The following AUTS2 variants were observed in gnomAD, a reference collection of about 807,000 sequenced individuals.
AUTS2 encodes the protein activator of transcription and developmental regulator AUTS2, also known as autism susceptibility gene 2 protein.
In AUTS2, 17 loss-of-function variants were observed where a neutral mutation model predicts 112.4. That is an observed-to-expected ratio of 0.15 (90% CI 0.10 to 0.23). AUTS2 has a LOEUF of 0.23. AUTS2 is among the 10% of genes least tolerant of loss of function. The pLI, the probability that AUTS2 is intolerant of heterozygous loss-of-function variation, is 1.00. For missense variants in AUTS2, 1,510 were observed against 1,701.6 expected (o/e 0.89, Z 1.98); for synonymous variants, 751 against 702.7 (o/e 1.07, Z -1.09).
intron 5 of AUTS2, among the ~76,000 whole-genome samples, chr7:70,569,744 A>G (rs757726): frequency 0.39 from 59,291 of 152,054 alleles, 11,897 homozygotes; most frequent in Admixed American, 0.48. Context: ...GCTTGAAGCC[A>G]TGCTTTACAG....
chr7:70,509,261 G>A (rs1299927382), intron 5 of AUTS2, among the ~76,000 whole-genome samples: 1 of 152,206 alleles, frequency 6.6e-6, no homozygotes, highest in African/African-American at 2.4e-5. Flanking sequence ...CCCTCATGGA[G>A]CTTCTGCTAT....
At chr7:70,259,789 G>A (rs1371445894) in intron 4 of AUTS2, among the ~76,000 whole-genome samples, 1 of 152,178 alleles carries the variant, frequency 6.6e-6, no homozygotes, top group Non-Finnish European at 1.5e-5. Context: ...ACTCTTGCTT[G>A]GATCTCTCAA....
chr7:70,468,434 T>A lies in AUTS2; in HGVS notation c.690+32653T>A, dbSNP rs1455826304. On this transcript the variant is annotated intron_variant, in intron 5 of 18. Transcript: ENST00000342771. ...TTTCTTGGCTTAAAGGGACTTTAGATCCAAGATCAGTAAAGAGATTGCCTT... is the reference window on the plus strand; with the variant it reads ...TTTCTTGGCTTAAAGGGACTTTAGAACCAAGATCAGTAAAGAGATTGCCTT... Among the ~76,000 whole-genome samples, 3 of 152,146 alleles carry A rather than the reference T, an allele frequency of 2.0e-5. No individual in the cohort carries two copies. In the East Asian group the frequency reaches 5.8e-4, roughly 29 times the overall value.
At chr7:69,707,531 C>T (rs1005157535) in intron 1 of AUTS2, among the ~76,000 whole-genome samples, 2 of 152,148 alleles carry the variant, frequency 1.3e-5, no homozygotes, top group Non-Finnish European at 2.9e-5. Context: ...AGCTTTGTAA[C>T]TTTGGGCATG....
At chr7:70,563,562 C>T (rs1801578697) in intron 5 of AUTS2, among the ~76,000 whole-genome samples, 1 of 152,168 alleles carries the variant, frequency 6.6e-6, no homozygotes, top group South Asian at 2.1e-4. Context: ...TAAAATTGGC[C>T]TCATGCACCC....
intron 1 of AUTS2, among the ~76,000 whole-genome samples, chr7:69,781,425 G>A (rs961147824): frequency 6.6e-6 from 1 of 152,208 alleles, no homozygotes; most frequent in African/African-American, 2.4e-5. Context: ...ACTGCTATGT[G>A]TGGGCTGGAG....
intron 4 of AUTS2, among the ~76,000 whole-genome samples, chr7:70,204,172 A>G (rs1041818623): frequency 5.3e-5 from 8 of 152,178 alleles, no homozygotes; most frequent in African/African-American, 1.9e-4. Flanking sequence ...TTGCCATTTG[A>G]ACAAGGAATG....
chr7:70,777,993 G>A (rs750412643), intron 14 of AUTS2, among the ~76,000 whole-genome samples: 72 of 152,316 alleles, frequency 4.7e-4, no homozygotes, highest in Non-Finnish European at 8.2e-4. Context: ...CCTCCTGATG[G>A]TCAGTGCCAG....
intron 4 of AUTS2, among the ~76,000 whole-genome samples, chr7:70,425,433 A>C (rs551482449): frequency 2.6e-5 from 4 of 152,312 alleles, no homozygotes; most frequent in African/African-American, 9.6e-5. Flanking sequence ...TACACAGGGC[A>C]CATGGTGATC....
At chr7:69,860,991 G>A (rs768177967) in intron 1 of AUTS2, among the ~76,000 whole-genome samples, 10 of 152,016 alleles carry the variant, frequency 6.6e-5, no homozygotes, top group South Asian at 2.1e-4. Flanking sequence ...CCTGGGAATC[G>A]ACTCATTGAA....
intron 2 of AUTS2, among the ~76,000 whole-genome samples, chr7:70,043,931 T>C (rs1367278480): frequency 2.0e-5 from 3 of 152,110 alleles, no homozygotes; most frequent in Admixed American, 2.0e-4. Flanking sequence ...TTCACTGCTC[T>C]ATGTATTCTC....
Position 69,891,774 on chromosome 7 carries a change from C to CTTTTTTTTTTTTTTTTTTTTT in AUTS2, c.310-7495_310-7475dup, listed in dbSNP as rs763424098. Among the ~76,000 whole-genome samples the CTTTTTTTTTTTTTTTTTTTTT allele has an allele frequency of 2.6e-4, 7 of 26,736 alleles. 2 individuals carry two copies. The highest frequency in any genetic ancestry group is 2.3e-4 in the Non-Finnish European group (3 of 12,792). 17.5% of individuals were successfully genotyped at this position (26,736 alleles called of 152,430 possible). On this transcript the variant is annotated intron_variant, in intron 1 of 18. Transcript: ENST00000342771. ...ATTCATTCACTTTCCAGACAGATAT[C>CTTTTTTTTTTTTTTTTTTTTT]TTTTTTTTTTTTTTTTTTTTTTTTT...
At position 70,792,415 on chromosome 7, in the gene AUTS2, A is replaced by G. The variant is rs1792025887; in HGVS notation, c.*1419A>G. 6.6e-6 allele frequency: 1 copy of G among 151,662 alleles called. No homozygotes were observed. Among genetic ancestry groups the G allele is most frequent in the Non-Finnish European group, 1.5e-5 (1 of 67,820 alleles). 9.4% of individuals were successfully genotyped at this position (151,662 alleles called of 1,614,324 possible). On this transcript the variant is annotated 3_prime_UTR_variant, in exon 19 of 19. Coordinates refer to ENST00000342771, the MANE Select transcript of AUTS2 (RefSeq NM_015570.4). ...GTCTACTGGACTGTAAAATATATGT[A>G]TGAAATAAAATTAGTTCCATTTGGT...
At chr7:70,079,470 C>G (rs1803196543) in intron 2 of AUTS2, among the ~76,000 whole-genome samples, 1 of 151,964 alleles carries the variant, frequency 6.6e-6, no homozygotes, top group South Asian at 2.1e-4. Context: ...CCACTGCACT[C>G]CAGTCTGGGC....
chr7:70,375,201 C>T (rs553630968), intron 4 of AUTS2, among the ~76,000 whole-genome samples: 99 of 152,278 alleles, frequency 6.5e-4, no homozygotes, highest in Non-Finnish European at 9.8e-4. Flanking sequence ...TGTGAAACAA[C>T]GCATATATGA....
chr7:69,995,563 G>C (rs1328848961), intron 2 of AUTS2, among the ~76,000 whole-genome samples: 1 of 152,134 alleles, frequency 6.6e-6, no homozygotes, highest in Non-Finnish European at 1.5e-5. Context: ...ATACTTAGGA[G>C]TTGTTCCACA....
At chr7:70,675,950 G>T (rs987238030) in intron 5 of AUTS2, among the ~76,000 whole-genome samples, 1 of 152,184 alleles carries the variant, frequency 6.6e-6, no homozygotes, top group African/African-American at 2.4e-5. Flanking sequence ...AGAAGATGGG[G>T]ACCGCTCCAT....
chr7:70,279,859 T>A (rs1788122095), intron 4 of AUTS2, among the ~76,000 whole-genome samples: 1 of 152,190 alleles, frequency 6.6e-6, no homozygotes, highest in South Asian at 2.1e-4. Flanking sequence ...CCCCTTCCAT[T>A]GTAAAATTAT....
At chr7:70,643,073 T>C (rs950053765) in intron 5 of AUTS2, among the ~76,000 whole-genome samples, 3 of 152,350 alleles carry the variant, frequency 2.0e-5, no homozygotes, top group Middle Eastern at 3.4e-3. Flanking sequence ...TCATTTTGTC[T>C]CTCTAACAAT....
Sources: allele counts gnomAD v4.1 joint callset (sites outside exome capture counted in the v4.1 genomes callset), GRCh38; gene constraint gnomAD v4.1.1; transcripts MANE v1.5; gene names NCBI Gene and HGNC (gene_info 2026-07-23, HGNC 2026-07-21).